The following DISC1 variants were observed in gnomAD, a reference collection of about 807,000 sequenced individuals.
DISC1 encodes the protein disrupted in schizophrenia 1 protein.
Under a neutral mutation model 84.5 loss-of-function variants are expected in DISC1, and 57 were observed. The ratio of observed to expected loss-of-function variants is 0.67; its 90% CI spans 0.55 to 0.84. DISC1 has a LOEUF of 0.84. Among genes scored for constraint, DISC1 ranks in the 40% least tolerant of loss-of-function variants. The probability of loss-of-function intolerance (pLI) is 0.00; values close to 1 mark genes in which losing one functional copy is unlikely to be tolerated. For missense variants in DISC1, 1,000 were observed against 1,057.8 expected (o/e 0.95, Z 0.76); for synonymous variants, 411 against 415.2 (o/e 0.99, Z 0.12).
At chr1:231,756,519 GA>G in intron 4 of DISC1, among the ~76,000 whole-genome samples, 1 of 3,562 alleles carries the variant, frequency 2.8e-4, no homozygotes, top group Non-Finnish European at 1.9e-3. Flanking sequence ...TGAATATCGA[GA>G]GAGAGAGAGA....
intron 3 of DISC1, among the ~76,000 whole-genome samples, chr1:231,746,940 T>C (rs1364956263): frequency 6.6e-6 from 1 of 152,124 alleles, no homozygotes; most frequent in Non-Finnish European, 1.5e-5. Context: ...ATATCTTTTA[T>C]TTTTTTGAGA....
chr1:231,651,173 T>G (rs1235280892), intron 1 of DISC1, among the ~76,000 whole-genome samples: 1 of 152,240 alleles, frequency 6.6e-6, no homozygotes, highest in Admixed American at 6.5e-5. Flanking sequence ...TCAGCTTTTC[T>G]GCTCTGGTTT....
At chr1:231,990,519 T>C (rs1252553368) in intron 10 of DISC1, among the ~76,000 whole-genome samples, 2 of 152,278 alleles carry the variant, frequency 1.3e-5, no homozygotes, top group South Asian at 2.1e-4. Context: ...CTCTTCATAC[T>C]GTTGTCAAAT....
At chr1:231,866,855 G>C in intron 9 of DISC1, 2 of 671,014 alleles carry the variant, frequency 3.0e-6, no homozygotes, top group Non-Finnish European at 4.1e-6. Context: ...CTGAACACAA[G>C]AGGGCGCTGT....
At chr1:231,967,504 C>T (rs976481926) in intron 10 of DISC1, among the ~76,000 whole-genome samples, 1 of 152,168 alleles carries the variant, frequency 6.6e-6, no homozygotes, top group African/African-American at 2.4e-5. Flanking sequence ...AATTTTCTTA[C>T]TGATGAGTGC....
At chr1:231,708,822 G>A (rs1159775877) in intron 3 of DISC1, among the ~76,000 whole-genome samples, 1 of 152,176 alleles carries the variant, frequency 6.6e-6, no homozygotes, top group Non-Finnish European at 1.5e-5. Flanking sequence ...TGACAGTGAG[G>A]AAAGGAACAG....
At chr1:231,952,090 C>CAAAAAAAA (rs11392611) in intron 9 of DISC1, among the ~76,000 whole-genome samples, 9 of 54,232 alleles carry the variant, frequency 1.7e-4, no homozygotes, top group South Asian at 8.0e-4. Flanking sequence ...CTCAATGTCT[C>CAAAAAAAA]AAAAAAAAAA....
intron 8 of DISC1, among the ~76,000 whole-genome samples, chr1:231,809,210 G>A (rs1439205504): frequency 6.6e-6 from 1 of 152,166 alleles, no homozygotes; most frequent in Non-Finnish European, 1.5e-5. Context: ...TGCCTGGGCA[G>A]CTGTGTCATT....
chr1:231,757,378 C>T (rs1046226261), intron 4 of DISC1, among the ~76,000 whole-genome samples: 7 of 152,162 alleles, frequency 4.6e-5, no homozygotes, highest in African/African-American at 1.7e-4. Flanking sequence ...ATTTAAGAAG[C>T]TGTAAACATC....
chr1:231,993,507 T>C (rs1249394832), intron 10 of DISC1, among the ~76,000 whole-genome samples: 5 of 152,110 alleles, frequency 3.3e-5, no homozygotes, highest in Non-Finnish European at 7.4e-5. Context: ...ACCTGAACAA[T>C]ATTCTCAGTT....
intron 1 of DISC1, among the ~76,000 whole-genome samples, chr1:231,638,931 A>G (rs1277697238): frequency 6.6e-6 from 1 of 152,190 alleles, no homozygotes; most frequent in African/African-American, 2.4e-5. Flanking sequence ...AGTCTGGGGT[A>G]AATTTCTTGA....
At chr1:231,660,100 G>A (rs1484582499) in intron 1 of DISC1, among the ~76,000 whole-genome samples, 2 of 152,310 alleles carry the variant, frequency 1.3e-5, no homozygotes, top group East Asian at 1.9e-4. Context: ...TTGTGTGGGA[G>A]TCTAAGTAGT....
chr1:231,739,865 TC>T (rs1283522807), intron 3 of DISC1, among the ~76,000 whole-genome samples: 2 of 152,332 alleles, frequency 1.3e-5, no homozygotes, highest in Non-Finnish European at 2.9e-5. Context: ...GGGTAAAGCT[TC>T]CTCCTTCCCC....
In DISC1 at chr1:231,715,181, G is replaced by T. The variant is rs150411242; in HGVS notation, c.1117+13157G>T. Reference sequence around the variant, plus strand: ...CAAGCCTGGCTACCTGTCTGTCTCTGTGATGAGGTGGGTACATCTGTTAGG... The same window carrying T: ...CAAGCCTGGCTACCTGTCTGTCTCTTTGATGAGGTGGGTACATCTGTTAGG... On this transcript the variant is annotated intron_variant, in intron 3 of 12. Coordinates refer to ENST00000439617, the MANE Select transcript of DISC1 (RefSeq NM_018662.3). Among the ~76,000 whole-genome samples, 53 of 152,290 alleles carry T rather than the reference G, an allele frequency of 3.5e-4. 1 individual carries two copies. In the East Asian group the frequency reaches 9.7e-3, roughly 28 times the overall value.
intron 7 of DISC1, among the ~76,000 whole-genome samples, chr1:231,799,096 A>G (rs189723221): frequency 5.3e-5 from 8 of 152,302 alleles, no homozygotes; most frequent in Admixed American, 3.9e-4. Context: ...CCAACAAAAT[A>G]AAAGATAACC....
At chr1:231,968,989 T>G (rs1661518886) in intron 10 of DISC1, among the ~76,000 whole-genome samples, 1 of 152,284 alleles carries the variant, frequency 6.6e-6, no homozygotes, top group East Asian at 1.9e-4. Context: ...CACTAGTATG[T>G]ACTAGTAGGA....
intron 6 of DISC1, among the ~76,000 whole-genome samples, chr1:231,792,809 T>C (rs200255215): frequency 2.6e-5 from 4 of 152,206 alleles, no homozygotes; most frequent in Non-Finnish European, 5.9e-5. Context: ...ATCCAATCCC[T>C]GGCCAGCCAG....
At chr1:232,027,743 T>G (rs11122393) in intron 12 of DISC1, among the ~76,000 whole-genome samples, 4,226 of 152,138 alleles carry the variant, frequency 0.028, 181 homozygotes, top group African/African-American at 0.096. Context: ...TCTTTGCTTG[T>G]CATTGCTGTC....
At chr1:231,849,983 G>A (rs1450517892) in intron 9 of DISC1, among the ~76,000 whole-genome samples, 5 of 152,190 alleles carry the variant, frequency 3.3e-5, no homozygotes, top group Non-Finnish European at 5.9e-5. Flanking sequence ...ACATTAAAAT[G>A]CTTCCATAGC....
Sources: gnomAD v4.1 joint callset for allele counts (sites outside exome capture counted in the v4.1 genomes callset) on GRCh38, gnomAD v4.1.1 for gene constraint, MANE v1.5 for transcripts, NCBI Gene and HGNC (gene_info 2026-07-23, HGNC 2026-07-21) for gene names.